Variants in MAGI2 observed in about 807,000 individuals in gnomAD.
MAGI2 encodes the protein membrane-associated guanylate kinase, WW and PDZ domain-containing protein 2.
Under a neutral mutation model 133.3 loss-of-function variants are expected in MAGI2, and 35 were observed. That is an observed-to-expected ratio of 0.26 (90% CI 0.20 to 0.35). The LOEUF is 0.35. MAGI2 is among the 10% of genes least tolerant of loss of function. MAGI2 has a pLI of 1.00. For synonymous variants in MAGI2, 729 were observed against 710.6 expected (o/e 1.03, Z -0.41); for missense variants, 1,636 against 1,863.4 (o/e 0.88, Z 2.25).
intron 2 of MAGI2, among the ~76,000 whole-genome samples, chr7:78,770,251 T>C (rs1038416169): frequency 6.6e-6 from 1 of 152,234 alleles, no homozygotes; most frequent in African/African-American, 2.4e-5. Context: ...ATTTTAATTA[T>C]AACACATTGT....
chr7:79,269,843 T>C (rs1310397315), intron 1 of MAGI2, among the ~76,000 whole-genome samples: 1 of 152,112 alleles, frequency 6.6e-6, no homozygotes, highest in African/African-American at 2.4e-5. Context: ...GAAAACAGCC[T>C]TTGTAAGACT....
chr7:78,184,512 A>G (rs933101536), intron 13 of MAGI2: 15 of 152,072 alleles, frequency 9.9e-5, no homozygotes, highest in African/African-American at 3.6e-4. Context: ...TCATGGAAAC[A>G]CTCTGGAGAT....
intron 6 of MAGI2, among the ~76,000 whole-genome samples, chr7:78,471,160 A>G (rs1791164922): frequency 6.6e-6 from 1 of 152,184 alleles, no homozygotes; most frequent in African/African-American, 2.4e-5. Flanking sequence ...TAAGAAGACC[A>G]TACATAGGAT....
intron 2 of MAGI2, among the ~76,000 whole-genome samples, chr7:78,982,423 T>C (rs1804872347): frequency 6.6e-6 from 1 of 152,058 alleles, no homozygotes; most frequent in African/African-American, 2.4e-5. Context: ...CTAATTATAC[T>C]TGGCTTTTTG....
intron 4 of MAGI2, among the ~76,000 whole-genome samples, chr7:78,510,470 A>G (rs1378820256): frequency 6.6e-6 from 1 of 152,234 alleles, no homozygotes; most frequent in African/African-American, 2.4e-5. Flanking sequence ...TAAATAGAGT[A>G]GTTAAATTGG....
At chr7:78,542,206 G>A (rs555727408) in intron 3 of MAGI2, among the ~76,000 whole-genome samples, 16 of 152,092 alleles carry the variant, frequency 1.1e-4, no homozygotes, top group African/African-American at 9.6e-5. Context: ...CCTTGTTGGC[G>A]ACACAAAAAT....
chr7:79,127,204 T>G (rs1425738444), intron 1 of MAGI2, among the ~76,000 whole-genome samples: 2 of 152,206 alleles, frequency 1.3e-5, no homozygotes, highest in African/African-American at 4.8e-5. Context: ...CTATCATTGT[T>G]GGACATTTGG....
At chr7:78,736,764 G>C (rs1323112226) in intron 2 of MAGI2, among the ~76,000 whole-genome samples, 1 of 152,166 alleles carries the variant, frequency 6.6e-6, no homozygotes, top group Non-Finnish European at 1.5e-5. Flanking sequence ...TACACTGCCA[G>C]AAAACTGGGG....
chr7:78,451,237 A>G lies in MAGI2; in HGVS notation c.1045+38524T>C, dbSNP rs957409056. Reference sequence around the variant, plus strand: ...TGCCCTTCCTATTCATCATATCCAAATGGGTGTGACTTCAGAAATTTTTTG... The same window carrying G: ...TGCCCTTCCTATTCATCATATCCAAGTGGGTGTGACTTCAGAAATTTTTTG... On this transcript the variant is annotated intron_variant, in intron 6 of 21. Coordinates refer to ENST00000354212, the MANE Select transcript of MAGI2 (RefSeq NM_012301.4). 4.6e-5 allele frequency among the ~76,000 whole-genome samples: 7 copies of G among 152,136 alleles called. No homozygotes were observed. In the South Asian group the frequency reaches 8.3e-4, roughly 18 times the overall value.
chr7:78,127,139 C>T, intron 19 of MAGI2, 58 bp downstream of exon 19: 6 of 1,315,974 alleles, frequency 4.6e-6, no homozygotes, highest in Admixed American at 2.4e-5. Context: ...CTATTTCATT[C>T]CTTGCAGTTC....
At chr7:78,695,256 GT>G (rs930514928) in intron 2 of MAGI2, among the ~76,000 whole-genome samples, 1 of 152,082 alleles carries the variant, frequency 6.6e-6, no homozygotes, top group African/African-American at 2.4e-5. Context: ...AAAATAAAAT[GT>G]CTCCTGAATT....
intron 2 of MAGI2, among the ~76,000 whole-genome samples, chr7:78,836,779 G>C (rs1269892147): frequency 6.6e-6 from 1 of 152,112 alleles, no homozygotes; most frequent in African/African-American, 2.4e-5. Flanking sequence ...CCAGTCCCCT[G>C]AATCATTTAC....
chr7:79,065,847 G>C (rs1814261884), intron 1 of MAGI2, among the ~76,000 whole-genome samples: 1 of 152,150 alleles, frequency 6.6e-6, no homozygotes, highest in Non-Finnish European at 1.5e-5. Context: ...TGCTGAGAAT[G>C]ATGGTTTCCA....
chr7:78,099,871 G>C (rs1223931613), intron 20 of MAGI2, among the ~76,000 whole-genome samples: 2 of 152,156 alleles, frequency 1.3e-5, no homozygotes, highest in African/African-American at 2.4e-5. Flanking sequence ...ACTTTAATGT[G>C]CCAATGATAA....
At chr7:78,608,930 C>G (rs1415876624) in intron 3 of MAGI2, among the ~76,000 whole-genome samples, 1 of 152,150 alleles carries the variant, frequency 6.6e-6, no homozygotes, top group East Asian at 1.9e-4. Flanking sequence ...CATTAACTTA[C>G]ATGATCACAA....
chr7:78,133,677 A>G (rs1005686621), intron 17 of MAGI2, among the ~76,000 whole-genome samples: 5 of 152,208 alleles, frequency 3.3e-5, no homozygotes, highest in South Asian at 4.1e-4. Flanking sequence ...AATTGACTCT[A>G]TATATTGGAA....
Position 78,648,871 on chromosome 7 carries a change from T to A in MAGI2, c.419-21632A>T, listed in dbSNP as rs181125160. The stretch of plus-strand genomic sequence containing the variant: ...GCCTCTTCCCATCTGCTCTATAGTT[T>A]TAACTCTGCTGATGTCAATCTAAGA... On this transcript the variant is annotated intron_variant, in intron 2 of 21. Coordinates refer to ENST00000354212, the MANE Select transcript of MAGI2 (RefSeq NM_012301.4). 9.8e-5 allele frequency among the ~76,000 whole-genome samples: 15 copies of A among 152,298 alleles called. No individual in the cohort carries two copies. In the East Asian group the frequency reaches 2.7e-3, roughly 27 times the overall value.
rs538030969 is a variant in MAGI2 at position 78,077,725 on chromosome 7, G to GTTTTTTTTTT, written c.3706+1212_3706+1221dup. ...TGAAATGAAAAGTACTCTTTAGAAT[G>GTTTTTTTTTT]TTTTTTTTTTTTTTTTTTTTTGAGA... On this transcript the variant is annotated intron_variant, in intron 21 of 21. Transcript: ENST00000354212. Among the ~76,000 whole-genome samples, 122 of 101,228 alleles carry GTTTTTTTTTT rather than the reference G, an allele frequency of 1.2e-3. 10 individuals carry two copies. The highest frequency in any genetic ancestry group is 2.3e-3 in the East Asian group (8 of 3,492). The allele number at this position is 101,228 out of a possible 152,430, so 66.4% of individuals were successfully genotyped here. A position where few individuals can be genotyped will look rare whatever the true frequency, so the allele number is the denominator to read the frequency against.
At chr7:78,083,385 G>GAGA (rs1816223117) in intron 20 of MAGI2, among the ~76,000 whole-genome samples, 1 of 45,424 alleles carries the variant, frequency 2.2e-5, no homozygotes, top group Non-Finnish European at 4.1e-5. Context: ...GGAGGGAGGG[G>GAGA]GGGAGAGAGA....
Sources: allele counts gnomAD v4.1 joint callset (sites outside exome capture counted in the v4.1 genomes callset), GRCh38; gene constraint gnomAD v4.1.1; transcripts MANE v1.5; gene names NCBI Gene and HGNC (gene_info 2026-07-23, HGNC 2026-07-21).